LUZP2: variants seen among roughly 807,000 people sequenced by gnomAD.
The protein encoded by LUZP2 is leucine zipper protein 2.
Under a neutral mutation model 51.6 loss-of-function variants are expected in LUZP2, and 52 were observed. The observed-to-expected ratio is 1.01, with a 90% confidence interval of 0.81 to 1.27. LUZP2 has a LOEUF of 1.27. Ranked by LOEUF, LUZP2 falls within the 50% of genes most tolerant of loss-of-function variation. The pLI is 0.00. For synonymous variants in LUZP2, 154 were observed against 137.3 expected, an observed-to-expected ratio of 1.12 and a Z score of -0.85; for missense variants, 436 against 395.4, an observed-to-expected ratio of 1.10 and a Z score of -0.87.
intron 1 of LUZP2, among the ~76,000 whole-genome samples, chr11:24,521,515 G>C (rs1195521390): frequency 1.3e-5 from 2 of 152,020 alleles, no homozygotes; most frequent in Non-Finnish European, 2.9e-5. Flanking sequence ...AGCATTTCAA[G>C]GTAAGGAAGA....
chr11:24,498,246 T>C (rs888846828), intron 1 of LUZP2, among the ~76,000 whole-genome samples: 2 of 152,182 alleles, frequency 1.3e-5, no homozygotes, highest in African/African-American at 2.4e-5. Flanking sequence ...CCACACAGGA[T>C]GAAGATCCTT....
intron 10 of LUZP2, among the ~76,000 whole-genome samples, chr11:25,069,445 G>A (rs988574095): frequency 6.6e-6 from 1 of 151,870 alleles, no homozygotes; most frequent in Non-Finnish European, 1.5e-5. Flanking sequence ...AAGTTATGGT[G>A]TACTAATTCA....
intron 1 of LUZP2, among the ~76,000 whole-genome samples, chr11:24,681,808 T>A (rs1856745289): frequency 6.6e-6 from 1 of 152,216 alleles, no homozygotes; most frequent in Non-Finnish European, 1.5e-5. Flanking sequence ...ACTATTTACA[T>A]TAGTTCAGCA....
chr11:24,535,095 T>C (rs1244231444), intron 1 of LUZP2, among the ~76,000 whole-genome samples: 6 of 150,288 alleles, frequency 4.0e-5, no homozygotes, highest in African/African-American at 9.7e-5. Context: ...AATATCATTA[T>C]GTCTAAAATG....
At chr11:25,050,397 C>A (rs998190750) in intron 10 of LUZP2, among the ~76,000 whole-genome samples, 1 of 149,660 alleles carries the variant, frequency 6.7e-6, no homozygotes, top group African/African-American at 2.5e-5. Context: ...CGCCGCCTCC[C>A]GGGTTCACGC....
intron 1 of LUZP2, among the ~76,000 whole-genome samples, chr11:24,660,685 C>T (rs1003501437): frequency 3.3e-5 from 5 of 152,000 alleles, no homozygotes; most frequent in Non-Finnish European, 7.4e-5. Flanking sequence ...ATGCATTCAC[C>T]GTAATCCTCA....
intron 1 of LUZP2, among the ~76,000 whole-genome samples, chr11:24,642,186 C>A (rs1248109515): frequency 6.6e-6 from 1 of 151,768 alleles, no homozygotes; most frequent in Non-Finnish European, 1.5e-5. Flanking sequence ...CCTCGCCCGG[C>A]CAGAAGTTAA....
At chr11:25,005,942 A>C (rs1482087060) in intron 9 of LUZP2, among the ~76,000 whole-genome samples, 2 of 152,124 alleles carry the variant, frequency 1.3e-5, no homozygotes, top group Non-Finnish European at 2.9e-5. Context: ...TGCCCCAAAA[A>C]TGAAGTGGAG....
At chr11:25,053,328 G>A (rs1858580669) in intron 10 of LUZP2, among the ~76,000 whole-genome samples, 2 of 152,122 alleles carry the variant, frequency 1.3e-5, no homozygotes, top group East Asian at 3.9e-4. Flanking sequence ...GAAGAGATTG[G>A]TACTCTGTTA....
At chr11:24,625,735 C>G (rs1204656973) in intron 1 of LUZP2, among the ~76,000 whole-genome samples, 1 of 151,702 alleles carries the variant, frequency 6.6e-6, no homozygotes, top group Non-Finnish European at 1.5e-5. Context: ...TTTTCCAACT[C>G]CAGAAACCAG....
intron 1 of LUZP2, among the ~76,000 whole-genome samples, chr11:24,615,219 G>A (rs1228224175): frequency 6.6e-6 from 1 of 151,162 alleles, no homozygotes; most frequent in Non-Finnish European, 1.5e-5. Flanking sequence ...GTATCACAAG[G>A]ATGTTAACAC....
At chr11:24,519,163 T>C (rs1850563940) in intron 1 of LUZP2, among the ~76,000 whole-genome samples, 1 of 152,206 alleles carries the variant, frequency 6.6e-6, no homozygotes, top group Non-Finnish European at 1.5e-5. Context: ...ACAGTTTCAT[T>C]ACTCAGTTTG....
intron 7 of LUZP2, among the ~76,000 whole-genome samples, chr11:24,930,718 G>T (rs2133833344): frequency 6.6e-6 from 1 of 152,158 alleles, no homozygotes; most frequent in South Asian, 2.1e-4. Flanking sequence ...TAATCTTTTT[G>T]CAATGAGTTT....
At chr11:24,653,731 C>T (rs1360401033) in intron 1 of LUZP2, among the ~76,000 whole-genome samples, 1 of 152,080 alleles carries the variant, frequency 6.6e-6, no homozygotes, top group Non-Finnish European at 1.5e-5. Context: ...AAAAGGAAAG[C>T]ACACTGAGAC....
Position 24,741,884 on chromosome 11 carries a change from T to TAA in LUZP2, c.333+3583_333+3584insAA, listed in dbSNP as rs1859160762. Among the ~76,000 whole-genome samples the TAA allele has an allele frequency of 4.6e-5, 6 of 131,306 alleles. No individual in the cohort carries two copies. The South Asian group carries it at 1.1e-3, about 23-fold the overall frequency. 86.1% of individuals were successfully genotyped at this position (131,306 alleles called of 152,430 possible). A position where few individuals can be genotyped will look rare whatever the true frequency, so the allele number is the denominator to read the frequency against. On this transcript the variant is annotated intron_variant, in intron 4 of 11. Transcript: ENST00000336930. Reference sequence around the variant, plus strand: ...AAATGTATATATATTTATAAATATATATTTATATACATATATATTTCTATA... The same window carrying TAA: ...AAATGTATATATATTTATAAATATATAAATTTATATACATATATATTTCTATA...
At chr11:24,993,371 C>T (rs757021560) in intron 9 of LUZP2, among the ~76,000 whole-genome samples, 3 of 152,114 alleles carry the variant, frequency 2.0e-5, no homozygotes, top group Non-Finnish European at 4.4e-5. Context: ...AAAACTCTAT[C>T]AATGTCATTA....
At chr11:24,613,535 A>T (rs1335748764) in intron 1 of LUZP2, among the ~76,000 whole-genome samples, 3 of 152,084 alleles carry the variant, frequency 2.0e-5, no homozygotes, top group Non-Finnish European at 2.9e-5. Context: ...TTTGTAATTA[A>T]TAAGTCCCAG....
At chr11:25,077,488 A>AT (rs1859345131) in intron 11 of LUZP2, 82 bp downstream of exon 11, 1 of 499,722 alleles carries the variant, frequency 2.0e-6, no homozygotes, top group Non-Finnish European at 2.9e-6. Flanking sequence ...TATTTATATT[A>AT]TTTTTTATTT....
At chr11:24,919,790 A>G (rs1565108262) in intron 7 of LUZP2, among the ~76,000 whole-genome samples, 1 of 150,966 alleles carries the variant, frequency 6.6e-6, no homozygotes, top group South Asian at 2.1e-4. Context: ...ATTTTAAAAT[A>G]TTAATTATTG....
Sources: gnomAD v4.1 joint callset for allele counts (sites outside exome capture counted in the v4.1 genomes callset) on GRCh38, gnomAD v4.1.1 for gene constraint, MANE v1.5 for transcripts, NCBI Gene and HGNC (gene_info 2026-07-23, HGNC 2026-07-21) for gene names.